The following RAI1 variants were observed in gnomAD, a reference collection of about 807,000 sequenced individuals.
The protein encoded by RAI1 is retinoic acid-induced protein 1.
RAI1 carries 9 observed loss-of-function variants against 123.8 expected under a neutral mutation model. That is an observed-to-expected ratio of 0.07 (90% CI 0.04 to 0.13). RAI1 has a LOEUF of 0.13. RAI1 is among the 10% of genes least tolerant of loss of function. The probability of loss-of-function intolerance (pLI) is 1.00; values close to 1 mark genes in which losing one functional copy is unlikely to be tolerated. For missense variants in RAI1, 2,256 were observed against 2,545.8 expected (o/e 0.89, Z 2.45); for synonymous variants, 1,231 against 1,127.3 (o/e 1.09, Z -1.84).
Position 17,714,927 on chromosome 17 carries a change from C to T in RAI1, c.-148-9101C>T, listed in dbSNP as rs562056399. Among the ~76,000 whole-genome samples, 4 of 152,312 alleles carry T rather than the reference C, an allele frequency of 2.6e-5. No homozygotes were observed. The highest frequency in any genetic ancestry group is 6.5e-5 in the Admixed American group (1 of 15,298). On this transcript the variant is annotated intron_variant, in intron 1 of 5. Transcript: ENST00000353383. The surrounding 1 kb of genome is among the most constrained non-coding windows in gnomAD (Gnocchi z 4.9). ...AGCTTGGGGAGAGAGGTAGTAATGT[C>T]GCCTTCCACCTCATGGACTTCCCAG...
intron 2 of RAI1, among the ~76,000 whole-genome samples, chr17:17,766,710 CGCACAGGCGGCG>C (rs561122116): frequency 6.6e-6 from 1 of 152,328 alleles, no homozygotes; most frequent in African/African-American, 2.4e-5. Flanking sequence ...GACAGGCAGG[CGCACAGGCGGCG>C]GCACTGTTAG....
rs1023834771 is a variant in RAI1, at chr17:17,758,593, G to T, written c.-16-34340G>T. Among the ~76,000 whole-genome samples, 5 of 152,344 alleles carry T rather than the reference G, an allele frequency of 3.3e-5. No individual in the cohort carries two copies. In the South Asian group the frequency reaches 1.0e-3, roughly 32 times the overall value. ...GTCAGCTAGACGTTCCTGAGTGCCT[G>T]TTTCTCTGCAGGCAGTATCTGGGCA... On this transcript the variant is annotated intron_variant, in intron 2 of 5. Transcript: ENST00000353383.
intron 1 of RAI1, among the ~76,000 whole-genome samples, chr17:17,710,115 C>T (rs966304375): frequency 1.3e-5 from 2 of 152,232 alleles, no homozygotes; most frequent in African/African-American, 4.8e-5. Context: ...CTCGAGCACA[C>T]ACAGACACGC....
At chr17:17,708,627 G>A (rs1274878452) in intron 1 of RAI1, among the ~76,000 whole-genome samples, 1 of 152,110 alleles carries the variant, frequency 6.6e-6, no homozygotes, top group African/African-American at 2.4e-5. Flanking sequence ...GTTGCATCTT[G>A]ACTCAGTGAG....
In RAI1 at chr17:17,793,052, A is replaced by G. The variant is rs1448094321; in HGVS notation, c.104A>G (p.Gln35Arg). The change falls in exon 3 of 6, where the codon CAG (glutamine) becomes CGG (arginine). Residue 35 changes from glutamine to arginine, a missense_variant. This residue lies in a region of RAI1 where 336 missense variants were observed against 349.8 expected (regional missense o/e 0.96). Coordinates refer to ENST00000353383, the MANE Select transcript of RAI1 (RefSeq NM_030665.4). ...SRLENYRQPS[Q>R]AGLSCDRQRL... ...CTAGAGAATTACAGGCAGCCGAGTC[A>G]GGCCGGGCTAAGCTGCGACCGGCAG... 1 of 1,614,064 alleles carries G rather than the reference A, an allele frequency of 6.2e-7. No individual in the cohort carries two copies. The highest frequency in any genetic ancestry group is 8.5e-7 in the Non-Finnish European group (1 of 1,180,036).
intron 2 of RAI1, among the ~76,000 whole-genome samples, chr17:17,781,399 G>A (rs556725942): frequency 6.6e-6 from 1 of 152,250 alleles, no homozygotes; most frequent in Non-Finnish European, 1.5e-5. Context: ...GGGCCTCTGA[G>A]CTCAGTCAGC....
intron 2 of RAI1, among the ~76,000 whole-genome samples, chr17:17,776,298 A>T (rs2031339264): frequency 6.6e-6 from 1 of 152,230 alleles, no homozygotes; most frequent in Non-Finnish European, 1.5e-5. Context: ...AGAAGTTTTT[A>T]AATCTTTTAG....
At chr17:17,711,088 G>GGCC (rs999586873) in intron 1 of RAI1, among the ~76,000 whole-genome samples, 1 of 152,240 alleles carries the variant, frequency 6.6e-6, no homozygotes, top group African/African-American at 2.4e-5. Context: ...GGGAAGGCAG[G>GGCC]GCCGCAGTAC....
intron 2 of RAI1, among the ~76,000 whole-genome samples, chr17:17,748,205 C>G (rs1029094381): frequency 2.6e-5 from 4 of 152,222 alleles, no homozygotes; most frequent in Non-Finnish European, 5.9e-5. Flanking sequence ...CAGGAATGTC[C>G]CTGCCCTCAA....
chr17:17,781,834 C>G (rs1446906118), intron 2 of RAI1, among the ~76,000 whole-genome samples: 1 of 151,646 alleles, frequency 6.6e-6, no homozygotes, highest in Middle Eastern at 3.2e-3. Flanking sequence ...CAGCGCCCCA[C>G]TTGGCGCCAC....
In RAI1 at chr17:17,797,589, C is replaced by T. The variant is rs576969251; in HGVS notation, c.4641C>T (p.Asn1547=). 3.1e-6 allele frequency: 5 copies of T among 1,614,066 alleles called. No individual in the cohort carries two copies. In the South Asian group the frequency reaches 4.4e-5, roughly 14 times the overall value. ...RKRLTRGRAK[N]TTSSPCKGRA... is the part of the protein sequence containing the mutation. ...GCCTCACTCGGGGCCGGGCCAAGAA[C>T]ACCACCTCTTCACCCTGTAAGGGGC... is the stretch of plus-strand genomic sequence containing the variant. The change falls in exon 3 of 6, where the codon AAC becomes AAT. Residue 1547 remains asparagine, a synonymous_variant. Coordinates refer to ENST00000353383, the MANE Select transcript of RAI1 (RefSeq NM_030665.4).
intron 2 of RAI1, among the ~76,000 whole-genome samples, chr17:17,755,852 C>T (rs1464173368): frequency 6.6e-6 from 1 of 152,236 alleles, no homozygotes; most frequent in Admixed American, 6.5e-5. Flanking sequence ...GCCTGCCGTG[C>T]CTCACAGCTT....
chr17:17,686,884 C>T (rs2142857345), intron 1 of RAI1, among the ~76,000 whole-genome samples: 1 of 152,238 alleles, frequency 6.6e-6, no homozygotes, highest in Non-Finnish European at 1.5e-5. Flanking sequence ...TAAGTGTTCT[C>T]TTGCTTGGCT....
At chr17:17,735,915 A>C (rs1042720792) in intron 2 of RAI1, among the ~76,000 whole-genome samples, 5 of 152,198 alleles carry the variant, frequency 3.3e-5, no homozygotes, top group Non-Finnish European at 7.3e-5. Flanking sequence ...TGTCCCCTGA[A>C]CTTGGCCCAC....
At chr17:17,729,826 C>T (rs1916212468) in intron 2 of RAI1, among the ~76,000 whole-genome samples, 1 of 152,208 alleles carries the variant, frequency 6.6e-6, no homozygotes, top group African/African-American at 2.4e-5. Context: ...GCTCAGGTGA[C>T]TGTCATCTCA....
intron 2 of RAI1, among the ~76,000 whole-genome samples, chr17:17,781,017 G>T (rs140002184): frequency 2.8e-3 from 427 of 152,278 alleles, no homozygotes; most frequent in African/African-American, 9.6e-3. Flanking sequence ...AACCTGCCAG[G>T]CTTCTTACCT....
intron 2 of RAI1, among the ~76,000 whole-genome samples, chr17:17,756,097 G>A (rs2030426711): frequency 6.6e-6 from 1 of 152,208 alleles, no homozygotes; most frequent in African/African-American, 2.4e-5. Context: ...GACTGCCTGT[G>A]TCCCTGTTCC....
chr17:17,693,912 G>T (rs567958904), intron 1 of RAI1, among the ~76,000 whole-genome samples: 1 of 152,332 alleles, frequency 6.6e-6, no homozygotes, highest in South Asian at 2.1e-4. Flanking sequence ...TGGAGTCACA[G>T]CCTGGCCGAG....
chr17:17,811,165 C>T lies in RAI1; in HGVS notation c.*1184C>T. The T allele has an allele frequency of 3.3e-6, 1 of 298,620 alleles. No individual in the cohort carries two copies. The highest frequency in any genetic ancestry group is 6.6e-6 in the Non-Finnish European group (1 of 151,312). 18.5% of individuals were successfully genotyped at this position (298,620 alleles called of 1,614,324 possible). ...ACGCAGCCCCCAGCCCAGGGCCGCCCTAGCAACTTCCTGTACATATGACTG... is the reference window on the plus strand; with the variant it reads ...ACGCAGCCCCCAGCCCAGGGCCGCCTTAGCAACTTCCTGTACATATGACTG... On this transcript the variant is annotated 3_prime_UTR_variant, in exon 6 of 6. Coordinates refer to ENST00000353383, the MANE Select transcript of RAI1 (RefSeq NM_030665.4).
Sources: gnomAD v4.1 joint callset for allele counts (sites outside exome capture counted in the v4.1 genomes callset) on GRCh38, gnomAD v4.1.1 for gene constraint, gnomAD v4.1.1 regional missense constraint, Gnocchi (gnomAD v3.1) non-coding constraint, MANE v1.5 for transcripts, NCBI Gene and HGNC (gene_info 2026-07-23, HGNC 2026-07-21) for gene names.